RDM1: variants seen among roughly 807,000 people sequenced by gnomAD.
The protein encoded by RDM1 is RAD52 motif containing 1.
A neutral mutation model predicts 27.7 loss-of-function variants in RDM1; 28 were observed. The observed-to-expected ratio is 1.01, with a 90% CI of 0.75 to 1.39. The LOEUF (loss-of-function observed/expected upper bound fraction) is 1.39, where lower values mean the gene tolerates loss of function less well. Among genes scored for constraint, RDM1 ranks in the 40% most tolerant of loss-of-function variants. The probability of loss-of-function intolerance (pLI) is 0.00; values close to 1 mark genes in which losing one functional copy is unlikely to be tolerated. For missense variants in RDM1, 277 were observed against 337.3 expected, an observed-to-expected ratio of 0.82 and a Z score of 1.40; for synonymous variants, 124 against 127.5, an observed-to-expected ratio of 0.97 and a Z score of 0.19.
Position 35,925,727 on chromosome 17 carries a change from A to C in RDM1, c.277-90T>G, listed in dbSNP as rs960402281. Reference sequence around the variant, plus strand: ...TGAGATTTGTCAATACCAAGTGTGCAATGAAAAATTGTTACTGTCTTCCCA... The same window carrying C: ...TGAGATTTGTCAATACCAAGTGTGCCATGAAAAATTGTTACTGTCTTCCCA... On this transcript the variant is annotated intron_variant, in intron 2 of 6. Transcript: ENST00000620284. 4.9e-6 allele frequency: 7 copies of C among 1,440,554 alleles called. No individual in the cohort carries two copies. The Admixed American group carries it at 1.3e-4, about 26-fold the overall frequency. The allele number at this position is 1,440,554 out of a possible 1,614,324, so 89.2% of individuals were successfully genotyped here. A position where few individuals can be genotyped will look rare whatever the true frequency, so the allele number is the denominator to read the frequency against.
rs373207074 is a variant in RDM1, at chr17:35,924,713, C to T, written c.459G>A (p.Pro153=). The change falls in exon 4 of 7, where the codon CCG becomes CCA. Residue 153 remains proline, a synonymous_variant. Coordinates refer to ENST00000620284, the MANE Select transcript of RDM1 (RefSeq NM_145654.4). Reference sequence around the variant, plus strand: ...CACAGAAGAACTTCAGGCTTTGCTTCGGAAGTGGCACCATGCTATCTTCAT... The same window carrying T: ...CACAGAAGAACTTCAGGCTTTGCTTTGGAAGTGGCACCATGCTATCTTCAT... The part of the protein sequence containing the change: ...RENEDSMVPL[P]KQSLKFFCAL... 1.1e-5 allele frequency: 17 copies of T among 1,614,036 alleles called. No homozygotes were observed. In the South Asian group the frequency reaches 1.1e-4, roughly 10 times the overall value.
At position 35,920,250 on chromosome 17, in the gene RDM1, C is replaced by T. The variant is rs765988316; in HGVS notation, c.690G>A (p.Glu230=). ...VVLESGKIAV[E]YRPSEDIVGV... ...CTACGATGTCTTCACTGGGTCTGTA[C>T]TCCACAGCTATTTTACCACTTTCTG... is the stretch of plus-strand genomic sequence containing the variant. The change falls in exon 6 of 7, where the codon GAG becomes GAA. Residue 230 remains glutamate, a synonymous_variant. Coordinates refer to ENST00000620284, the MANE Select transcript of RDM1 (RefSeq NM_145654.4). The T allele has an allele frequency of 3.8e-6, 6 of 1,588,814 alleles. No individual in the cohort carries two copies. The highest frequency in any genetic ancestry group is 5.2e-6 in the Non-Finnish European group (6 of 1,162,838).
intron 2 of RDM1, 64 bp downstream of exon 2, chr17:35,930,012 C>G: frequency 1.4e-6 from 2 of 1,414,924 alleles, no homozygotes; most frequent in Admixed American, 1.9e-5. Flanking sequence ...TGGACAAATG[C>G]TAACCTATTA....
At chr17:35,924,543 A>G in intron 4 of RDM1, 61 bp downstream of exon 4, 3 of 1,520,848 alleles carry the variant, frequency 2.0e-6, no homozygotes, top group Admixed American at 4.2e-5. Context: ...AAAGTAAGAA[A>G]AAAAGAAAGA....
chr17:35,918,474 G>T, intron 6 of RDM1, 31 bp from the exon 7 acceptor site: 1 of 1,552,856 alleles, frequency 6.4e-7, no homozygotes. Context: ...AGGGTGGCAG[G>T]CAGAACGCAC....
intron 2 of RDM1, among the ~76,000 whole-genome samples, chr17:35,928,181 G>A (rs2089213243): frequency 6.6e-6 from 1 of 152,190 alleles, no homozygotes; most frequent in Non-Finnish European, 1.5e-5. Flanking sequence ...ATCAGGAATT[G>A]AAATGGTCCT....
chr17:35,918,211 A>G lies in RDM1; in HGVS notation c.*131T>C. The G allele has an allele frequency of 2.8e-6, 2 of 702,876 alleles. No individual in the cohort carries two copies. Among genetic ancestry groups the G allele is most frequent in the South Asian group, 3.4e-5 (2 of 58,864 alleles). The allele number at this position is 702,876 out of a possible 1,614,324, so 43.5% of individuals were successfully genotyped here. On this transcript the variant is annotated 3_prime_UTR_variant, in exon 7 of 7. Transcript: ENST00000620284. Reference sequence around the variant, plus strand: ...CACCCCTTCCCTCCCCTTCGCCAGGAAAGATTTGGGCGGCCGACCCAGGTG... The same window carrying G: ...CACCCCTTCCCTCCCCTTCGCCAGGGAAGATTTGGGCGGCCGACCCAGGTG...
At chr17:35,919,821 G>A (rs982828776) in intron 6 of RDM1, among the ~76,000 whole-genome samples, 7 of 152,164 alleles carry the variant, frequency 4.6e-5, no homozygotes, top group African/African-American at 1.4e-4. Flanking sequence ...GCTGTAGCAC[G>A]ATCATTCTTA....
chr17:35,930,638 A>T lies in RDM1; in HGVS notation c.90T>A (p.Ala30=). The T allele has an allele frequency of 6.2e-7, 1 of 1,612,986 alleles. No individual in the cohort carries two copies. Among genetic ancestry groups the T allele is most frequent in the East Asian group, 2.2e-5 (1 of 44,822 alleles). ...CATCCTGGCCCCGGCTCACATGCAAAGCCTCGGCCGTGGGTCCGGAGCTCA... is the reference window on the plus strand; with the variant it reads ...CATCCTGGCCCCGGCTCACATGCAATGCCTCGGCCGTGGGTCCGGAGCTCA... ...WELSSGPTAE[A]LHHSLFTAFS... Residue 30 remains alanine, a synonymous_variant, in exon 1 of 7, where the codon GCT becomes GCA. Transcript: ENST00000620284.
chr17:35,918,570 T>C, intron 6 of RDM1, 127 bp from the exon 7 acceptor site: 2 of 758,912 alleles, frequency 2.6e-6, no homozygotes, highest in Non-Finnish European at 4.4e-6. Context: ...ACCACTCTAT[T>C]AGGTAGGGGC....
At position 35,930,082 on chromosome 17, in the gene RDM1, T is replaced by C; in HGVS notation, c.270A>G (p.Pro90=). ...CDRKQLFQKS[P]VKVRLGTRHK... ...ATTCCATATTTGGACCCACCTTGAC[T>C]GGAGATTTCTGAAAAAGCTGCTTCC... is the stretch of plus-strand genomic sequence containing the variant. Residue 90 remains proline (P), a synonymous_variant, in exon 2 of 7, where the codon CCA becomes CCG. Transcript: ENST00000620284. 6.2e-7 allele frequency: 1 copy of C among 1,613,222 alleles called. No individual in the cohort carries two copies. Among genetic ancestry groups the C allele is most frequent in the Non-Finnish European group, 8.5e-7 (1 of 1,179,598 alleles).
chr17:35,925,120 G>A (rs951149133), intron 3 of RDM1, among the ~76,000 whole-genome samples: 7 of 151,938 alleles, frequency 4.6e-5, no homozygotes, highest in Admixed American at 4.6e-4. Context: ...ATGACACAGC[G>A]AGCCTCTGTC....
At chr17:35,921,074 A>G (rs2088929454) in intron 5 of RDM1, among the ~76,000 whole-genome samples, 1 of 152,198 alleles carries the variant, frequency 6.6e-6, no homozygotes, top group Non-Finnish European at 1.5e-5. Context: ...GAGAGAGAAC[A>G]TTTGAACATT....
intron 6 of RDM1, among the ~76,000 whole-genome samples, chr17:35,918,820 G>A (rs2088835272): frequency 6.6e-6 from 1 of 152,208 alleles, no homozygotes; most frequent in Non-Finnish European, 1.5e-5. Flanking sequence ...CTGGAACCCA[G>A]CTGACTTCCT....
chr17:35,923,061 T>A (rs2089003890), intron 4 of RDM1, among the ~76,000 whole-genome samples: 1 of 152,210 alleles, frequency 6.6e-6, no homozygotes, highest in Admixed American at 6.5e-5. Flanking sequence ...ATGCCTGTAA[T>A]CCCAGCACCT....
intron 2 of RDM1, 60 bp downstream of exon 2, chr17:35,930,016 C>A: frequency 1.4e-6 from 2 of 1,428,680 alleles, no homozygotes; most frequent in Non-Finnish European, 1.9e-6. Flanking sequence ...CAAATGCTAA[C>A]CTATTATTGA....
intron 2 of RDM1, among the ~76,000 whole-genome samples, chr17:35,927,522 T>C (rs2089194529): frequency 6.6e-6 from 1 of 152,172 alleles, no homozygotes; most frequent in Admixed American, 6.5e-5. Flanking sequence ...CTTAGGCCTT[T>C]CCTTGATTTT....
chr17:35,923,630 T>G (rs1598669054), intron 4 of RDM1, among the ~76,000 whole-genome samples: 1 of 152,124 alleles, frequency 6.6e-6, no homozygotes, highest in Non-Finnish European at 1.5e-5. Flanking sequence ...GCCAGTGCAC[T>G]TCAGCCTGGG....
Position 35,925,591 on chromosome 17 carries a change from G to C in RDM1, c.323C>G (p.Ala108Gly), listed in dbSNP as rs1409507196. The C allele has an allele frequency of 1.9e-6, 3 of 1,614,098 alleles. No individual in the cohort carries two copies. The South Asian group carries it at 3.3e-5, about 18-fold the overall frequency. ...RHKAVQHQAL[A>G]LNSSKCQELA... ...TTCTTGGCATTTGGAACTGTTCAGG[G>C]CAAGGGCTTGATGTTGAACTGCCTT... The change falls in exon 3 of 7, where the codon GCC (alanine) becomes GGC (glycine). Residue 108 changes from alanine to glycine, a missense_variant. Ala to Gly is a moderately conservative substitution (Grantham distance 60). Coordinates refer to ENST00000620284, the MANE Select transcript of RDM1 (RefSeq NM_145654.4).
Sources: allele counts gnomAD v4.1 joint callset (sites outside exome capture counted in the v4.1 genomes callset), GRCh38; gene constraint gnomAD v4.1.1; transcripts MANE v1.5; gene names NCBI Gene and HGNC (gene_info 2026-07-23, HGNC 2026-07-21).